CRK: variants seen among roughly 807,000 people sequenced by gnomAD.
The protein encoded by CRK is adapter molecule crk.
A neutral mutation model predicts 29.8 loss-of-function variants in CRK; 4 were observed. That is an observed-to-expected ratio of 0.13 (90% CI 0.07 to 0.31). The LOEUF (loss-of-function observed/expected upper bound fraction) is 0.31, where lower values mean the gene tolerates loss of function less well. Ranked by LOEUF, CRK falls within the 10% of genes least tolerant of loss-of-function variation. The probability of loss-of-function intolerance (pLI) is 1.00; values close to 1 mark genes in which losing one functional copy is unlikely to be tolerated. For synonymous variants in CRK, 153 were observed against 164.9 expected, an observed-to-expected ratio of 0.93 and a Z score of 0.55; for missense variants, 274 against 396.5, an observed-to-expected ratio of 0.69 and a Z score of 2.62.
At chr17:1,443,986 C>T (rs1334552196) in intron 1 of CRK, among the ~76,000 whole-genome samples, 1 of 151,988 alleles carries the variant, frequency 6.6e-6, no homozygotes, top group Non-Finnish European at 1.5e-5. Context: ...AGGCGTGAGC[C>T]ACCCCGCCTG....
chr17:1,441,604 G>A (rs940141838), intron 1 of CRK, among the ~76,000 whole-genome samples: 2 of 151,108 alleles, frequency 1.3e-5, no homozygotes, highest in Non-Finnish European at 3.0e-5. Flanking sequence ...CAACTCTCCT[G>A]CCTCAGCCTC....
Position 1,456,170 on chromosome 17 carries a change from G to T in CRK, c.-53C>A. The T allele has an allele frequency of 7.2e-7, 1 of 1,384,300 alleles. No homozygotes were observed. Among genetic ancestry groups the T allele is most frequent in the Non-Finnish European group, 9.3e-7 (1 of 1,073,336 alleles). The allele number at this position is 1,384,300 out of a possible 1,614,324, so 85.8% of individuals were successfully genotyped here. The stretch of plus-strand genomic sequence containing the variant: ...TGCCGCCGCCGCGCGCGCCCCTCCG[G>T]CCCCCGGCGCCCGCCGCCCAGCGGA... On this transcript the variant is annotated 5_prime_UTR_variant, in exon 1 of 3. Coordinates refer to ENST00000300574, the MANE Select transcript of CRK (RefSeq NM_016823.4).
rs2073739046 is a variant in CRK, at chr17:1,422,644, T to C, written c.*869A>G. The C allele has an allele frequency of 1.4e-5, 4 of 293,206 alleles. No individual in the cohort carries two copies. Among genetic ancestry groups the C allele is most frequent in the Non-Finnish European group, 2.5e-5 (4 of 159,672 alleles). The allele number at this position is 293,206 out of a possible 1,614,324, so 18.2% of individuals were successfully genotyped here. The stretch of plus-strand genomic sequence containing the variant: ...CCTAAGAATTCCAAGAGTCTCCTAA[T>C]AGGATACTGGCCCTCTGGAGAAATG... On this transcript the variant is annotated 3_prime_UTR_variant, in exon 3 of 3. Transcript: ENST00000300574.
chr17:1,435,206 C>T (rs1280159456), intron 2 of CRK, among the ~76,000 whole-genome samples: 1 of 152,004 alleles, frequency 6.6e-6, no homozygotes, highest in African/African-American at 2.4e-5. Flanking sequence ...ACCACAGGCA[C>T]GTGCCACCAT....
At chr17:1,439,771 A>G (rs2073919521) in intron 1 of CRK, among the ~76,000 whole-genome samples, 1 of 152,134 alleles carries the variant, frequency 6.6e-6, no homozygotes. Context: ...TGAGCCTGGA[A>G]GGTCAAGGCT....
intron 1 of CRK, among the ~76,000 whole-genome samples, chr17:1,455,641 C>T (rs573089964): frequency 7.9e-5 from 12 of 151,918 alleles, no homozygotes; most frequent in African/African-American, 2.6e-4. Context: ...AGCAGTTCCC[C>T]TTCCCCGCGG....
intron 2 of CRK, chr17:1,426,322 G>A (rs2073778943): frequency 6.6e-6 from 1 of 152,500 alleles, no homozygotes; most frequent in South Asian, 2.1e-4. Flanking sequence ...GTGGAGGAAG[G>A]GGAGGAAGGG....
At chr17:1,426,826 C>T (rs529841756) in intron 2 of CRK, among the ~76,000 whole-genome samples, 1 of 149,658 alleles carries the variant, frequency 6.7e-6, no homozygotes, top group South Asian at 2.1e-4. Context: ...TGTGCCACTG[C>T]ACTCCAGCCT....
intron 2 of CRK, 29 bp downstream of exon 2, chr17:1,436,591 C>G: frequency 4.5e-6 from 7 of 1,561,546 alleles, no homozygotes; most frequent in Non-Finnish European, 6.0e-6. Context: ...CAGCAGATCT[C>G]TTCTTTCTAC....
chr17:1,433,013 T>C (rs552646643), intron 2 of CRK, among the ~76,000 whole-genome samples: 26 of 152,298 alleles, frequency 1.7e-4, no homozygotes, highest in African/African-American at 6.3e-4. Context: ...ATGTGGTTAC[T>C]ACAGTTTCTT....
At position 1,421,113 on chromosome 17, in the gene CRK, C is replaced by T. The variant is rs1367583203; in HGVS notation, c.*2400G>A. 1 of 152,136 alleles carries T rather than the reference C, an allele frequency of 6.6e-6. No homozygotes were observed. Among genetic ancestry groups the T allele is most frequent in the African/African-American group, 2.4e-5 (1 of 41,434 alleles). 9.4% of individuals were successfully genotyped at this position (152,136 alleles called of 1,614,324 possible). On this transcript the variant is annotated 3_prime_UTR_variant, in exon 3 of 3. Transcript: ENST00000300574. ...TTTTGGAAGACACTTATAAGACATC[C>T]TTTGATTTCTTGAGGGGCATTAACT...
chr17:1,431,792 G>A (rs1223018209), intron 2 of CRK, among the ~76,000 whole-genome samples: 1 of 152,118 alleles, frequency 6.6e-6, no homozygotes, highest in Non-Finnish European at 1.5e-5. Context: ...GACCAGACTA[G>A]GGTGTACTAC....
intron 1 of CRK, among the ~76,000 whole-genome samples, chr17:1,449,508 C>T (rs1413939728): frequency 6.6e-6 from 1 of 152,084 alleles, no homozygotes; most frequent in African/African-American, 2.4e-5. Flanking sequence ...CCCTCCTTCA[C>T]AGATGAGGAA....
chr17:1,449,378 C>T (rs2074001181), intron 1 of CRK, among the ~76,000 whole-genome samples: 1 of 152,128 alleles, frequency 6.6e-6, no homozygotes, highest in African/African-American at 2.4e-5. Flanking sequence ...TTCAAAAGCC[C>T]CCACACCTCA....
intron 1 of CRK, 90 bp downstream of exon 1, chr17:1,455,787 C>T: frequency 7.2e-7 from 1 of 1,387,022 alleles, no homozygotes. Flanking sequence ...CCACGACCCC[C>T]GAGGGTCCGC....
intron 2 of CRK, among the ~76,000 whole-genome samples, chr17:1,435,926 C>T (rs928609508): frequency 9.9e-5 from 15 of 151,940 alleles, no homozygotes; most frequent in Admixed American, 6.6e-4. Flanking sequence ...AAGGTGTGAG[C>T]GTGGAAGAGA....
chr17:1,454,846 T>A (rs1469551455), intron 1 of CRK, among the ~76,000 whole-genome samples: 3 of 152,064 alleles, frequency 2.0e-5, no homozygotes, highest in African/African-American at 7.2e-5. Flanking sequence ...CTTAAAACAG[T>A]CCCAAATCAA....
intron 1 of CRK, among the ~76,000 whole-genome samples, chr17:1,453,778 G>T (rs997215563): frequency 6.6e-6 from 1 of 152,164 alleles, no homozygotes; most frequent in Non-Finnish European, 1.5e-5. Context: ...GTAGTGGAGT[G>T]TGCCTGTAAT....
intron 2 of CRK, among the ~76,000 whole-genome samples, chr17:1,432,986 T>C (rs906595545): frequency 1.3e-5 from 2 of 152,166 alleles, no homozygotes; most frequent in African/African-American, 4.8e-5. Flanking sequence ...CATGGAGTCA[T>C]TCATAAAGAA....
Sources: gnomAD v4.1 joint callset for allele counts (sites outside exome capture counted in the v4.1 genomes callset) on GRCh38, gnomAD v4.1.1 for gene constraint, MANE v1.5 for transcripts, NCBI Gene and HGNC (gene_info 2026-07-23, HGNC 2026-07-21) for gene names.